Variants in DNAAF9 observed in about 807,000 individuals in gnomAD.
The protein encoded by DNAAF9 is dynein axonemal assembly factor 9.
Under a neutral mutation model 167.0 loss-of-function variants are expected in DNAAF9, and 90 were observed. That is an observed-to-expected ratio of 0.54 (90% CI 0.45 to 0.64). The LOEUF is 0.64. Ranked by LOEUF, DNAAF9 falls within the 30% of genes least tolerant of loss-of-function variation. DNAAF9 has a pLI of 0.00. For missense variants in DNAAF9, 1,315 were observed against 1,442.2 expected (o/e 0.91, Z 1.43); for synonymous variants, 491 against 508.8 (o/e 0.96, Z 0.47).
rs147748396 is a variant in DNAAF9, at chr20:3,278,839, C to T, written c.2650+73G>A. On this transcript the variant is annotated intron_variant, in intron 29 of 36. Transcript: ENST00000252032. The stretch of plus-strand genomic sequence containing the variant: ...GATTTCAGAATGGTAGGTAAGAGCA[C>T]GAAGAAAAGTCTATTGCTGAATTCT... The T allele has an allele frequency of 1.1e-4, 126 of 1,127,742 alleles. No individual in the cohort carries two copies. The African/African-American group carries it at 1.3e-3, about 12-fold the overall frequency. The allele number at this position is 1,127,742 out of a possible 1,614,324, so 69.9% of individuals were successfully genotyped here.
intron 28 of DNAAF9, among the ~76,000 whole-genome samples, chr20:3,281,056 G>C (rs1419742915): frequency 2.6e-5 from 4 of 151,214 alleles, no homozygotes; most frequent in African/African-American, 9.7e-5. Context: ...ACAGAGTCTT[G>C]CTTGCTCTGT....
chr20:3,384,591 T>C (rs1465784048), intron 1 of DNAAF9, among the ~76,000 whole-genome samples: 3 of 151,042 alleles, frequency 2.0e-5, no homozygotes, highest in Non-Finnish European at 4.4e-5. Context: ...TAGGCTAGAC[T>C]CGAACTCCTG....
chr20:3,379,134 T>A (rs979075323), intron 3 of DNAAF9, among the ~76,000 whole-genome samples: 1 of 151,864 alleles, frequency 6.6e-6, no homozygotes, highest in Non-Finnish European at 1.5e-5. Flanking sequence ...CAGTAAAATG[T>A]AACATGCCTC....
intron 27 of DNAAF9, among the ~76,000 whole-genome samples, chr20:3,282,140 T>C (rs1038804675): frequency 6.6e-5 from 10 of 152,106 alleles, no homozygotes; most frequent in Middle Eastern, 3.2e-3. Flanking sequence ...CTCCTTTCTC[T>C]CCTTCCCACT....
At chr20:3,329,448 C>T (rs922256720) in intron 12 of DNAAF9, among the ~76,000 whole-genome samples, 7 of 152,184 alleles carry the variant, frequency 4.6e-5, no homozygotes, top group South Asian at 2.1e-4. Flanking sequence ...TGAGCCACTG[C>T]GCTCAGTCCC....
At chr20:3,283,416 G>A (rs1350852410) in intron 27 of DNAAF9, among the ~76,000 whole-genome samples, 3 of 152,254 alleles carry the variant, frequency 2.0e-5, no homozygotes, top group Non-Finnish European at 4.4e-5. Context: ...TGCTTCAGTA[G>A]AGAACGGGGT....
At chr20:3,384,927 G>A (rs1022827816) in intron 1 of DNAAF9, among the ~76,000 whole-genome samples, 3 of 151,534 alleles carry the variant, frequency 2.0e-5, no homozygotes, top group East Asian at 1.9e-4. Flanking sequence ...AAAACACTCA[G>A]AATTGATGGA....
At chr20:3,386,764 TA>T (rs61005893) in intron 1 of DNAAF9, among the ~76,000 whole-genome samples, 8,156 of 139,118 alleles carry the variant, frequency 0.059, 334 homozygotes, top group African/African-American at 0.13. Context: ...AACTCAATGG[TA>T]AAAAAAAAAA....
chr20:3,310,304 A>C (rs1253482847), intron 20 of DNAAF9, among the ~76,000 whole-genome samples: 1 of 129,262 alleles, frequency 7.7e-6, no homozygotes, highest in African/African-American at 3.2e-5. Context: ...AGAAAAAAGA[A>C]AAGGAAAGAA....
chr20:3,324,343 T>G (rs1401414241), intron 14 of DNAAF9, among the ~76,000 whole-genome samples: 2 of 152,174 alleles, frequency 1.3e-5, no homozygotes, highest in African/African-American at 4.8e-5. Flanking sequence ...ATAATGGTCC[T>G]CACGTGAAAC....
intron 23 of DNAAF9, chr20:3,296,537 C>A (rs113089315): frequency 3.2e-6 from 1 of 315,170 alleles, no homozygotes. Context: ...GCCACCATAC[C>A]CAGCTAATTT....
intron 14 of DNAAF9, among the ~76,000 whole-genome samples, chr20:3,323,072 TG>T (rs2069645079): frequency 6.6e-6 from 1 of 151,592 alleles, no homozygotes; most frequent in Non-Finnish European, 1.5e-5. Context: ...TGTGGAGCCA[TG>T]GGTGAGGCCT....
At chr20:3,286,160 A>G (rs1451267961) in intron 27 of DNAAF9, among the ~76,000 whole-genome samples, 1 of 152,132 alleles carries the variant, frequency 6.6e-6, no homozygotes, top group Non-Finnish European at 1.5e-5. Context: ...GCTGGTAAGA[A>G]CAGCGTCTTA....
In DNAAF9 at chr20:3,301,377, G is replaced by A. The variant is rs182470066; in HGVS notation, c.1782+3063C>T. On this transcript the variant is annotated intron_variant, in intron 21 of 36. Coordinates refer to ENST00000252032, the MANE Select transcript of DNAAF9 (RefSeq NM_001009984.3). ...TAATTTCTGTATTTTTAGTAGAGAC[G>A]GCATTTCACCATGCTGGCCAGGCTG... Among the ~76,000 whole-genome samples the A allele has an allele frequency of 1.1e-4, 16 of 152,062 alleles. No individual in the cohort carries two copies. The East Asian group carries it at 2.9e-3, about 28-fold the overall frequency.
chr20:3,294,388 G>T, intron 24 of DNAAF9, 132 bp from the exon 25 acceptor site: 1 of 800,400 alleles, frequency 1.2e-6, no homozygotes, highest in Non-Finnish European at 2.1e-6. Flanking sequence ...GAATAAAATT[G>T]TGTACAGTGT....
At chr20:3,397,875 G>A (rs1454694120) in intron 1 of DNAAF9, among the ~76,000 whole-genome samples, 4 of 152,088 alleles carry the variant, frequency 2.6e-5, no homozygotes, top group East Asian at 1.9e-4. Context: ...TTTACTTAAC[G>A]ATTTTTGCAT....
At position 3,298,095 on chromosome 20, in the gene DNAAF9, T is replaced by A; in HGVS notation, c.1863A>T (p.Gly621=). The change falls in exon 22 of 37, where the codon GGA becomes GGT. Residue 621 remains glycine (G), a synonymous_variant. Coordinates refer to ENST00000252032, the MANE Select transcript of DNAAF9 (RefSeq NM_001009984.3). Reference sequence around the variant, plus strand: ...GGGCAATCATCAGAAAATTGCTTGATCCATGGAAATGAACTGGGAGGTGAG... The same window carrying A: ...GGGCAATCATCAGAAAATTGCTTGAACCATGGAAATGAACTGGGAGGTGAG... ...LLPHLPVHFH[G]SSNFLMIALF... 8 of 1,612,896 alleles carry A rather than the reference T, an allele frequency of 5.0e-6. No individual in the cohort carries two copies. Among genetic ancestry groups the A allele is most frequent in the South Asian group, 1.1e-5 (1 of 91,060 alleles).
intron 10 of DNAAF9, among the ~76,000 whole-genome samples, chr20:3,332,935 GT>G (rs1370051025): frequency 6.0e-5 from 9 of 150,168 alleles, no homozygotes; most frequent in African/African-American, 2.2e-4. Context: ...GTGTGTGTGT[GT>G]GGTTTAAACC....
At chr20:3,381,223 G>GA (rs552380855) in intron 3 of DNAAF9, among the ~76,000 whole-genome samples, 156 bp downstream of exon 3, 1 of 152,234 alleles carries the variant, frequency 6.6e-6, no homozygotes, top group East Asian at 1.9e-4. Context: ...TATCAGCAAA[G>GA]AAAAAATGCC....
Sources: allele counts gnomAD v4.1 joint callset (sites outside exome capture counted in the v4.1 genomes callset), GRCh38; gene constraint gnomAD v4.1.1; transcripts MANE v1.5; gene names NCBI Gene and HGNC (gene_info 2026-07-23, HGNC 2026-07-21).